The following GPR34 variants were observed in gnomAD, a reference collection of about 807,000 sequenced individuals.
The protein encoded by GPR34 is probable G protein-coupled receptor 34.
A neutral mutation model predicts 14.1 loss-of-function variants in GPR34; 3 were observed. The ratio of observed to expected loss-of-function variants is 0.21; its 90% CI spans 0.10 to 0.55. The LOEUF (loss-of-function observed/expected upper bound fraction) is 0.55, where lower values mean the gene tolerates loss of function less well. Among genes scored for constraint, GPR34 ranks in the 20% least tolerant of loss-of-function variants. The probability of loss-of-function intolerance (pLI) is 0.94; values close to 1 mark genes in which losing one functional copy is unlikely to be tolerated. For missense variants in GPR34, 213 were observed against 292.8 expected, an observed-to-expected ratio of 0.73 and a Z score of 1.99; for synonymous variants, 99 against 99.9, an observed-to-expected ratio of 0.99 and a Z score of 0.05.
intron 2 of GPR34, among the ~76,000 whole-genome samples, chrX:41,691,013 A>G (rs1312119963): frequency 8.9e-6 from 1 of 112,001 alleles, no homozygotes; most frequent in Non-Finnish European, 1.9e-5. Context: ...GCTGTCTAAT[A>G]CATAGTTCTA....
At chrX:41,690,774 A>C (rs774973244) in intron 2 of GPR34, among the ~76,000 whole-genome samples, 3 of 107,942 alleles carry the variant, frequency 2.8e-5, no homozygotes, top group Non-Finnish European at 5.7e-5. Flanking sequence ...CCCAGGCTCA[A>C]GCGATCCTCC....
Position 41,696,777 on chromosome X carries a change from T to A in GPR34, c.1144T>A (p.Ter382ArgextTer19). ...VKIQSSSKST[*>R] is the part of the protein sequence containing the mutation. The stretch of plus-strand genomic sequence containing the variant: ...AATACAGTCTAGTTCTAAAAGTACT[T>A]GAGGTAAACATACTAAAATGAATTA... Residue 382 changes from the stop codon to arginine (R), a stop_lost, in exon 3 of 3, where the codon TGA (stop) becomes AGA (arginine). Coordinates refer to ENST00000378142, the MANE Select transcript of GPR34 (RefSeq NM_001097579.2). 8.9e-7 allele frequency: 1 copy of A among 1,117,803 alleles called. No individual in the cohort carries two copies. Among genetic ancestry groups the A allele is most frequent in the Non-Finnish European group, 1.2e-6 (1 of 832,386 alleles). 92.1% of individuals were successfully genotyped at this position (1,117,803 alleles called of 1,213,427 possible). A position where few individuals can be genotyped will look rare whatever the true frequency, so the allele number is the denominator to read the frequency against.
intron 2 of GPR34, among the ~76,000 whole-genome samples, chrX:41,692,088 T>C (rs1287667132): frequency 3.6e-5 from 4 of 111,423 alleles, no homozygotes; most frequent in Non-Finnish European, 7.5e-5. Context: ...ACCTCTTTTG[T>C]GATACCTACC....
chrX:41,690,102 G>A (rs928862274), intron 2 of GPR34, among the ~76,000 whole-genome samples: 13 of 111,433 alleles, frequency 1.2e-4, no homozygotes, highest in African/African-American at 2.0e-4. Flanking sequence ...CAAAACTATT[G>A]TGACCACTTC....
chrX:41,696,430 G>C lies in GPR34; in HGVS notation c.797G>C (p.Arg266Pro), dbSNP rs1169636234. Reference sequence around the variant, plus strand: ...TCTGGTAAATATGCCACTACAGCTCGTAACTCCTTTATTGTACTTATCATT... The same window carrying C: ...TCTGGTAAATATGCCACTACAGCTCCTAACTCCTTTATTGTACTTATCATT... Reference protein sequence around the residue: ...PNSGKYATTARNSFIVLIIFT... With the variant: ...PNSGKYATTAPNSFIVLIIFT... Residue 266 changes from arginine (R) to proline (P), a missense_variant, in exon 3 of 3, where the codon CGT becomes CCT. Coordinates refer to ENST00000378142, the MANE Select transcript of GPR34 (RefSeq NM_001097579.2). The C allele has an allele frequency of 8.4e-6, 10 of 1,191,644 alleles. No individual in the cohort carries two copies. The highest frequency in any genetic ancestry group is 1.1e-5 in the Non-Finnish European group (10 of 882,495).
chrX:41,695,338 T>A (rs1213003923), intron 2 of GPR34, among the ~76,000 whole-genome samples: 3 of 102,144 alleles, frequency 2.9e-5, no homozygotes, highest in Non-Finnish European at 6.0e-5. Context: ...TTTAAAGAGA[T>A]GGGGTCTTGT....
In GPR34 at chrX:41,695,655, A is replaced by G; in HGVS notation, c.22A>G (p.Met8Val). Residue 8 changes from methionine (M) to valine (V), a missense_variant, in exon 3 of 3, where the codon ATG (methionine) becomes GTG (valine). Coordinates refer to ENST00000378142, the MANE Select transcript of GPR34 (RefSeq NM_001097579.2). The part of the protein sequence containing the change: MRSHTIT[M>V]TTTSVSSWPY... ...GACAATGAGAAGTCATACCATAACAATGACGACAACTTCAGTCAGCAGCTG... is the reference window on the plus strand; with the variant it reads ...GACAATGAGAAGTCATACCATAACAGTGACGACAACTTCAGTCAGCAGCTG... The G allele has an allele frequency of 8.3e-7, 1 of 1,200,550 alleles. No individual in the cohort carries two copies. The highest frequency in any genetic ancestry group is 1.1e-6 in the Non-Finnish European group (1 of 887,322).
In GPR34 at chrX:41,696,305, G is replaced by A. The variant is rs146920583; in HGVS notation, c.672G>A (p.Val224=). The A allele has an allele frequency of 7.6e-6, 9 of 1,177,204 alleles. No individual in the cohort carries two copies. The highest frequency in any genetic ancestry group is 3.6e-5 in the African/African-American group (2 of 55,680). ...KGEAIFNFIL[V]VMFWLIFLLI... Reference sequence around the variant, plus strand: ...AAGCCATTTTTAACTTCATTCTTGTGGTAATGTTCTGGCTAATTTTCTTAC... The same window carrying A: ...AAGCCATTTTTAACTTCATTCTTGTAGTAATGTTCTGGCTAATTTTCTTAC... The change falls in exon 3 of 3, where the codon GTG becomes GTA. Residue 224 remains valine (V), a synonymous_variant. Transcript: ENST00000378142.
chrX:41,697,127 A>C lies in GPR34; in HGVS notation c.*348A>C, dbSNP rs2067704113. The C allele has an allele frequency of 6.6e-6, 1 of 151,383 alleles. No homozygotes were observed. Among genetic ancestry groups the C allele is most frequent in the Non-Finnish European group, 1.4e-5 (1 of 72,106 alleles). The allele number at this position is 151,383 out of a possible 1,213,427, so 12.5% of individuals were successfully genotyped here. ...GATACTAATTTGAAGTGTGTTTAAA[A>C]GTAAATGATTTGGGAACTGACAATG... On this transcript the variant is annotated 3_prime_UTR_variant, in exon 3 of 3. Coordinates refer to ENST00000378142, the MANE Select transcript of GPR34 (RefSeq NM_001097579.2).
intron 2 of GPR34, among the ~76,000 whole-genome samples, chrX:41,691,581 G>A (rs1256787498): frequency 9.1e-6 from 1 of 110,413 alleles, no homozygotes; most frequent in African/African-American, 3.3e-5. Context: ...GTGGCCTGCC[G>A]GGTGCGGTGG....
Position 41,696,614 on chromosome X carries a change from T to C in GPR34, c.981T>C (p.Tyr327=). The C allele has an allele frequency of 8.3e-7, 1 of 1,211,012 alleles. No homozygotes were observed. Among genetic ancestry groups the C allele is most frequent in the Admixed American group, 2.2e-5 (1 of 46,011 alleles). The change falls in exon 3 of 3, where the codon TAT becomes TAC. Residue 327 remains tyrosine, a synonymous_variant. Transcript: ENST00000378142. ...SFNSCLDPVM[Y]FLMSSNIRKI... is the part of the protein sequence containing the mutation. The stretch of plus-strand genomic sequence containing the variant: ...ATAGTTGCTTAGATCCAGTCATGTA[T>C]TTCCTGATGTCCAGTAACATTCGCA...
Position 41,695,723 on chromosome X carries a change from C to A in GPR34, c.90C>A (p.Ser30Arg). 8.3e-7 allele frequency: 1 copy of A among 1,205,571 alleles called. No homozygotes were observed. Among genetic ancestry groups the A allele is most frequent in the Non-Finnish European group, 1.1e-6 (1 of 890,256 alleles). ...GAATGCGCTTTATAACCAATCATAG[C>A]GACCAACCGCCACAAAACTTCTCAG... ...SHRMRFITNH[S>R]DQPPQNFSAT... The change falls in exon 3 of 3, where the codon AGC (serine) becomes AGA (arginine). Residue 30 changes from serine (S) to arginine (R), a missense_variant. Ser to Arg is a moderately radical substitution (Grantham distance 110). Transcript: ENST00000378142.
intron 2 of GPR34, among the ~76,000 whole-genome samples, chrX:41,693,657 T>C (rs2067622618): frequency 9.0e-6 from 1 of 111,520 alleles, no homozygotes; most frequent in African/African-American, 3.3e-5. Flanking sequence ...ACCAGAATCT[T>C]AGATCACAAG....
chrX:41,690,439 C>T (rs899027754), intron 2 of GPR34, among the ~76,000 whole-genome samples: 6 of 110,029 alleles, frequency 5.5e-5, no homozygotes, highest in Non-Finnish European at 7.6e-5. Flanking sequence ...CTCTGTCTCC[C>T]GGGTTCAAGC....
rs1375623822 is a variant in GPR34 at position 41,695,563 on chromosome X, T to G, written c.-71T>G. On this transcript the variant is annotated 5_prime_UTR_variant, in exon 3 of 3. Transcript: ENST00000378142. ...TTGGCATTCCGTTGTAGGAAAAATC[T>G]GAAGACATAAGAACTACACATGAGG... 1 of 713,366 alleles carries G rather than the reference T, an allele frequency of 1.4e-6. No homozygotes were observed. Among genetic ancestry groups the G allele is most frequent in the African/African-American group, 2.1e-5 (1 of 46,891 alleles). 58.8% of individuals were successfully genotyped at this position (713,366 alleles called of 1,213,427 possible). A position where few individuals can be genotyped will look rare whatever the true frequency, so the allele number is the denominator to read the frequency against.
In GPR34 at chrX:41,689,057, C is replaced by G. The variant is rs1277895584; in HGVS notation, c.-200C>G. On this transcript the variant is annotated 5_prime_UTR_variant, in exon 1 of 3. Transcript: ENST00000378142. The stretch of plus-strand genomic sequence containing the variant: ...GTGTCTAGGGAAGCTTGGGGTTCTG[C>G]TCCTTTTACTTCAGGCGAACCTGAA... 1.8e-5 allele frequency: 2 copies of G among 111,638 alleles called. No homozygotes were observed. Among genetic ancestry groups the G allele is most frequent in the African/African-American group, 3.3e-5 (1 of 30,578 alleles). The allele number at this position is 111,638 out of a possible 1,213,427, so 9.2% of individuals were successfully genotyped here. A position where few individuals can be genotyped will look rare whatever the true frequency, so the allele number is the denominator to read the frequency against.
At position 41,695,918 on chromosome X, in the gene GPR34, C is replaced by T. The variant is rs750381710; in HGVS notation, c.285C>T (p.Asn95=). 223 of 1,206,051 alleles carry T rather than the reference C, an allele frequency of 1.8e-4. No individual in the cohort carries two copies. Among genetic ancestry groups the T allele is most frequent in the Non-Finnish European group, 2.4e-4 (217 of 891,970 alleles). ...KRNSIQIYLL[N]VAIADLLLIF... is the part of the protein sequence containing the mutation. ...ATTCCATTCAAATTTATCTACTTAA[C>T]GTAGCCATTGCAGACCTCCTACTCA... The change falls in exon 3 of 3, where the codon AAC becomes AAT. Residue 95 remains asparagine, a synonymous_variant. Coordinates refer to ENST00000378142, the MANE Select transcript of GPR34 (RefSeq NM_001097579.2).
chrX:41,696,904 A>G lies in GPR34; in HGVS notation c.*125A>G. ...TCAAAGCTCTGCTTGTATTTGTGAT[A>G]TTTCATTTGCTTAACTGTAAACCAT... On this transcript the variant is annotated 3_prime_UTR_variant, in exon 3 of 3. Coordinates refer to ENST00000378142, the MANE Select transcript of GPR34 (RefSeq NM_001097579.2). The G allele has an allele frequency of 2.3e-6, 1 of 429,000 alleles. No individual in the cohort carries two copies. The highest frequency in any genetic ancestry group is 3.9e-6 in the Non-Finnish European group (1 of 254,639). 35.4% of individuals were successfully genotyped at this position (429,000 alleles called of 1,213,427 possible). A position where few individuals can be genotyped will look rare whatever the true frequency, so the allele number is the denominator to read the frequency against.
At position 41,695,650 on chromosome X, in the gene GPR34, T is replaced by C; in HGVS notation, c.17T>C (p.Ile6Thr). The change falls in exon 3 of 3, where the codon ATA (isoleucine) becomes ACA (threonine). Residue 6 changes from isoleucine to threonine, a missense_variant. Ile to Thr is a moderately conservative substitution (Grantham distance 89). Coordinates refer to ENST00000378142, the MANE Select transcript of GPR34 (RefSeq NM_001097579.2). The part of the protein sequence containing the change: MRSHT[I>T]TMTTTSVSSW... ...CAGAAGACAATGAGAAGTCATACCA[T>C]AACAATGACGACAACTTCAGTCAGC... The C allele has an allele frequency of 8.4e-7, 1 of 1,197,292 alleles. No homozygotes were observed. The highest frequency in any genetic ancestry group is 1.1e-6 in the Non-Finnish European group (1 of 884,655).
Sources: gnomAD v4.1 joint callset for allele counts (sites outside exome capture counted in the v4.1 genomes callset) on GRCh38, gnomAD v4.1.1 for gene constraint, MANE v1.5 for transcripts, NCBI Gene and HGNC (gene_info 2026-07-23, HGNC 2026-07-21) for gene names.